The following CSNK1D variants were observed in gnomAD, a reference collection of about 807,000 sequenced individuals.
CSNK1D encodes casein kinase I isoform delta.
A neutral mutation model predicts 46.6 loss-of-function variants in CSNK1D; 16 were observed. That is an observed-to-expected ratio of 0.34 (90% CI 0.23 to 0.52). CSNK1D has a LOEUF of 0.52. Among genes scored for constraint, CSNK1D ranks in the 20% least tolerant of loss-of-function variants. The pLI, the probability that CSNK1D is intolerant of heterozygous loss-of-function variation, is 0.95. For synonymous variants in CSNK1D, 276 were observed against 228.2 expected (o/e 1.21, Z -1.89); for missense variants, 398 against 578.4 (o/e 0.69, Z 3.20).
chr17:82,248,635 C>T lies in CSNK1D; in HGVS notation c.1197+240G>A. On this transcript the variant is annotated intron_variant, in intron 8 of 8. Transcript: ENST00000314028. The surrounding 1 kb of genome is among the most constrained non-coding windows in gnomAD (Gnocchi z 4.1). ...CCCCACGGTTTGCTGGCCTCAGGGACCTGAGACCTGAGACTGGCCACCTGC... is the reference window on the plus strand; with the variant it reads ...CCCCACGGTTTGCTGGCCTCAGGGATCTGAGACCTGAGACTGGCCACCTGC... 2.2e-6 allele frequency: 3 copies of T among 1,374,778 alleles called. No individual in the cohort carries two copies. The highest frequency in any genetic ancestry group is 1.9e-6 in the Non-Finnish European group (2 of 1,061,434). The allele number at this position is 1,374,778 out of a possible 1,614,324, so 85.2% of individuals were successfully genotyped here. A position where few individuals can be genotyped will look rare whatever the true frequency, so the allele number is the denominator to read the frequency against.
intron 2 of CSNK1D, among the ~76,000 whole-genome samples, chr17:82,264,959 G>A (rs544568607): frequency 6.9e-4 from 105 of 151,732 alleles, no homozygotes; most frequent in African/African-American, 2.4e-3. Flanking sequence ...CACCACGAAC[G>A]GCTAACTTTT....
At position 82,249,783 on chromosome 17, in the gene CSNK1D, G is replaced by A; in HGVS notation, c.886-181C>T. 1 of 1,463,878 alleles carries A rather than the reference G, an allele frequency of 6.8e-7. No individual in the cohort carries two copies. 90.7% of individuals were successfully genotyped at this position (1,463,878 alleles called of 1,614,324 possible). A position where few individuals can be genotyped will look rare whatever the true frequency, so the allele number is the denominator to read the frequency against. ...TGGGATGACAGCATCATCCCCACAAGGGGTCAGAGCCAGGCCTCTCAGCTC... is the reference window on the plus strand; with the variant it reads ...TGGGATGACAGCATCATCCCCACAAAGGGTCAGAGCCAGGCCTCTCAGCTC... On this transcript the variant is annotated intron_variant, in intron 6 of 8. Transcript: ENST00000314028. The surrounding 1 kb of genome is among the most constrained non-coding windows in gnomAD (Gnocchi z 6.7).
At chr17:82,259,651 C>T (rs896532738) in intron 2 of CSNK1D, among the ~76,000 whole-genome samples, 6 of 152,232 alleles carry the variant, frequency 3.9e-5, no homozygotes, top group Admixed American at 3.3e-4. Flanking sequence ...AAAGCACTGT[C>T]CCTAACAGCA....
rs1599623773 is a variant in CSNK1D, at chr17:82,270,368, G to A, written c.76+2938C>T. Among the ~76,000 whole-genome samples the A allele has an allele frequency of 2.6e-5, 4 of 152,280 alleles. No individual in the cohort carries two copies. The South Asian group carries it at 8.3e-4, about 32-fold the overall frequency. ...CCTTCCTGGTCTCAAACATCTGAAAGCACAGAAAGTCCCCGGTAGAAAAAC... is the reference window on the plus strand; with the variant it reads ...CCTTCCTGGTCTCAAACATCTGAAAACACAGAAAGTCCCCGGTAGAAAAAC... On this transcript the variant is annotated intron_variant, in intron 1 of 8. Coordinates refer to ENST00000314028, the MANE Select transcript of CSNK1D (RefSeq NM_001893.6).
Position 82,244,082 on chromosome 17 carries a change from G to A in CSNK1D, c.*699C>T, listed in dbSNP as rs775936468. 14 of 989,842 alleles carry A rather than the reference G, an allele frequency of 1.4e-5. No homozygotes were observed. Among genetic ancestry groups the A allele is most frequent in the Non-Finnish European group, 1.7e-5 (14 of 832,548 alleles). The allele number at this position is 989,842 out of a possible 1,614,324, so 61.3% of individuals were successfully genotyped here. ...TCCTGACAGCAGGCATGTCAATTAC[G>A]GGAGGAGGGAGGGTGAGACGCCAAA... On this transcript the variant is annotated 3_prime_UTR_variant, in exon 9 of 9. Coordinates refer to ENST00000314028, the MANE Select transcript of CSNK1D (RefSeq NM_001893.6).
chr17:82,258,925 G>A (rs1394126885), intron 2 of CSNK1D, among the ~76,000 whole-genome samples: 1 of 152,236 alleles, frequency 6.6e-6, no homozygotes, highest in African/African-American at 2.4e-5. Flanking sequence ...GCTGGTGTTT[G>A]CAGGGCAAAT....
At chr17:82,253,626 T>G (rs907460227) in intron 3 of CSNK1D, 1 of 357,244 alleles carries the variant, frequency 2.8e-6, no homozygotes, top group Admixed American at 3.8e-5. Context: ...CCTGAGAGAC[T>G]GAGGAACCCA....
intron 2 of CSNK1D, among the ~76,000 whole-genome samples, chr17:82,260,581 G>A (rs2051309982): frequency 6.8e-6 from 1 of 147,576 alleles, no homozygotes; most frequent in Non-Finnish European, 1.5e-5. Flanking sequence ...TGGGACTGAT[G>A]GTGTACTGAC....
chr17:82,271,834 T>G (rs950898876), intron 1 of CSNK1D, among the ~76,000 whole-genome samples: 2 of 152,166 alleles, frequency 1.3e-5, no homozygotes, highest in Admixed American at 1.3e-4. Flanking sequence ...CCAGAGGCAT[T>G]ACTGACATCC....
chr17:82,264,028 G>A (rs1000165210), intron 2 of CSNK1D, among the ~76,000 whole-genome samples: 9 of 152,266 alleles, frequency 5.9e-5, no homozygotes, highest in Non-Finnish European at 1.2e-4. Flanking sequence ...GACCACAGGT[G>A]CTGCCAAAGA....
chr17:82,267,328 A>C (rs1385859105), intron 1 of CSNK1D, among the ~76,000 whole-genome samples: 4 of 152,184 alleles, frequency 2.6e-5, no homozygotes, highest in African/African-American at 9.7e-5. Context: ...CTTTAAGATA[A>C]GGTTCCCTGA....
rs773392505 is a variant in CSNK1D at position 82,243,239 on chromosome 17, C to T, written c.*1542G>A. On this transcript the variant is annotated 3_prime_UTR_variant, in exon 9 of 9. Coordinates refer to ENST00000314028, the MANE Select transcript of CSNK1D (RefSeq NM_001893.6). ...TGGGACGCCAGCCAGTTATGGCATCCGGGGAACTCTGGGGAGGAGAAGGGA... is the reference window on the plus strand; with the variant it reads ...TGGGACGCCAGCCAGTTATGGCATCTGGGGAACTCTGGGGAGGAGAAGGGA... 6.6e-5 allele frequency: 65 copies of T among 985,534 alleles called. No homozygotes were observed. The highest frequency in any genetic ancestry group is 1.2e-4 in the African/African-American group (7 of 57,342). 61.0% of individuals were successfully genotyped at this position (985,534 alleles called of 1,614,324 possible).
intron 8 of CSNK1D, chr17:82,247,060 T>C (rs2050868811): frequency 5.1e-6 from 5 of 985,118 alleles, no homozygotes; most frequent in Non-Finnish European, 6.0e-6. Flanking sequence ...GCCCTGGAGG[T>C]GGGGAGCCCT....
At chr17:82,247,568 G>C (rs2050882309) in intron 8 of CSNK1D, 5 of 985,320 alleles carry the variant, frequency 5.1e-6, no homozygotes, top group African/African-American at 1.7e-5. Flanking sequence ...ATGGTTCAGG[G>C]GCTACAGAGC....
In CSNK1D at chr17:82,244,135, C is replaced by G; in HGVS notation, c.*646G>C. The G allele has an allele frequency of 1.0e-6, 1 of 995,800 alleles. No homozygotes were observed. Among genetic ancestry groups the G allele is most frequent in the Non-Finnish European group, 1.2e-6 (1 of 835,374 alleles). 61.7% of individuals were successfully genotyped at this position (995,800 alleles called of 1,614,324 possible). A position where few individuals can be genotyped will look rare whatever the true frequency, so the allele number is the denominator to read the frequency against. On this transcript the variant is annotated 3_prime_UTR_variant, in exon 9 of 9. Transcript: ENST00000314028. ...CAGGTTGAAGAGGTCCCACCACACA[C>G]GGGCACACACACACACCACGGACTT...
chr17:82,257,924 T>C (rs2051219151), intron 2 of CSNK1D, among the ~76,000 whole-genome samples: 1 of 151,746 alleles, frequency 6.6e-6, no homozygotes, highest in Non-Finnish European at 1.5e-5. Context: ...CGTCGAAAAG[T>C]TTTTTAACTG....
chr17:82,272,724 C>T (rs1434119074), intron 1 of CSNK1D, among the ~76,000 whole-genome samples: 3 of 152,214 alleles, frequency 2.0e-5, no homozygotes, highest in African/African-American at 4.8e-5. Context: ...GTCTTTCTGA[C>T]ATTTTCCCCC....
Position 82,243,279 on chromosome 17 carries a change from AC to A in CSNK1D, c.*1501del. On this transcript the variant is annotated 3_prime_UTR_variant, in exon 9 of 9. Coordinates refer to ENST00000314028, the MANE Select transcript of CSNK1D (RefSeq NM_001893.6). Reference sequence around the variant, plus strand: ...AGGAGAAGGGAGAACCAAGGTGCACACCTTCGAAGCCCTAGAGTCCAAAGGG... The same window carrying A: ...AGGAGAAGGGAGAACCAAGGTGCACACTTCGAAGCCCTAGAGTCCAAAGGG... The A allele has an allele frequency of 1.0e-6, 1 of 985,418 alleles. No individual in the cohort carries two copies. The highest frequency in any genetic ancestry group is 1.2e-6 in the Non-Finnish European group (1 of 829,960). 61.0% of individuals were successfully genotyped at this position (985,418 alleles called of 1,614,324 possible). A position where few individuals can be genotyped will look rare whatever the true frequency, so the allele number is the denominator to read the frequency against.
chr17:82,255,517 T>A lies in CSNK1D; in HGVS notation c.248A>T (p.Glu83Val). The A allele has an allele frequency of 6.2e-7, 1 of 1,614,084 alleles. No homozygotes were observed. The highest frequency in any genetic ancestry group is 8.5e-7 in the Non-Finnish European group (1 of 1,180,010). The change falls in exon 3 of 9, where the codon GAG (glutamate) becomes GTG (valine). Residue 83 changes from glutamate (E) to valine (V), a missense_variant. Physicochemically the swap from Glu to Val is moderately radical, Grantham distance 121 (BLOSUM62 -2). This residue lies in a region of CSNK1D where 217 missense variants were observed against 370.3 expected (regional missense o/e 0.59). Transcript: ENST00000314028. This position sits in a 1 kb window ranked among gnomAD's most constrained non-coding sequence, Gnocchi z 5.9. ...GTCCTCCAGGCTTGGCCCCAGCAGC[T>A]CCATCACCATGACGTTGTAGTCCCC... ...AEGDYNVMVM[E>V]LLGPSLEDLF... is the part of the protein sequence containing the mutation.
Sources: allele counts gnomAD v4.1 joint callset (sites outside exome capture counted in the v4.1 genomes callset), GRCh38; gene constraint gnomAD v4.1.1; regional missense constraint gnomAD v4.1.1; non-coding constraint Gnocchi (gnomAD v3.1); transcripts MANE v1.5; gene names NCBI Gene and HGNC (gene_info 2026-07-23, HGNC 2026-07-21).